TBC1D12: variants seen among roughly 807,000 people sequenced by gnomAD.
TBC1D12 encodes the protein TBC1 domain family, member 12.
TBC1D12 carries 56 observed loss-of-function variants against 86.7 expected under a neutral mutation model. That is an observed-to-expected ratio of 0.65 (90% CI 0.52 to 0.81). The LOEUF (loss-of-function observed/expected upper bound fraction) is 0.81. TBC1D12 is among the 30% of genes least tolerant of loss of function. The pLI is 0.00. For missense variants in TBC1D12, 1,023 were observed against 1,038.8 expected (o/e 0.98, Z 0.21); for synonymous variants, 421 against 411.7 (o/e 1.02, Z -0.27).
intron 3 of TBC1D12, among the ~76,000 whole-genome samples, chr10:94,485,843 AGG>A (rs1389835064): frequency 1.8e-4 from 27 of 152,060 alleles, no homozygotes; most frequent in African/African-American, 6.0e-4. Context: ...CAATCTTGGT[AGG>A]TTGTATGTGT....
rs191709264 is a variant in TBC1D12, at chr10:94,432,095, T to G, written c.972-9801T>G. On this transcript the variant is annotated intron_variant, in intron 1 of 12. Coordinates refer to ENST00000225235, the MANE Select transcript of TBC1D12 (RefSeq NM_015188.2). ...GTGTTGATTTATATTTAAGAAATTT[T>G]AATATTTTGGGGGGTGGGAGAAAGG... Among the ~76,000 whole-genome samples the G allele has an allele frequency of 8.5e-5, 13 of 152,236 alleles. 1 individual carries two copies. The South Asian group carries it at 2.5e-3, about 29-fold the overall frequency.
At chr10:94,532,697 C>G (rs1564997484) in intron 12 of TBC1D12, among the ~76,000 whole-genome samples, 1 of 152,064 alleles carries the variant, frequency 6.6e-6, no homozygotes, top group Non-Finnish European at 1.5e-5. Flanking sequence ...AAAGCATTGG[C>G]AATCTAAGTT....
intron 1 of TBC1D12, among the ~76,000 whole-genome samples, chr10:94,405,552 G>A (rs558507222): frequency 1.3e-5 from 2 of 152,266 alleles, no homozygotes; most frequent in African/African-American, 4.8e-5. Flanking sequence ...TTATAAATTT[G>A]TGACACTGTG....
intron 3 of TBC1D12, among the ~76,000 whole-genome samples, chr10:94,492,565 T>C (rs2056260391): frequency 6.6e-6 from 1 of 152,158 alleles, no homozygotes; most frequent in Non-Finnish European, 1.5e-5. Context: ...TACTCAGCAA[T>C]TAAAAGGAAT....
intron 6 of TBC1D12, 91 bp downstream of exon 6, chr10:94,500,418 T>A (rs954311394): frequency 3.8e-6 from 4 of 1,058,814 alleles, no homozygotes; most frequent in Non-Finnish European, 5.4e-6. Context: ...TTAAAATAAA[T>A]GGCCTTTATC....
At chr10:94,446,222 A>T (rs1324509264) in intron 2 of TBC1D12, among the ~76,000 whole-genome samples, 1 of 152,216 alleles carries the variant, frequency 6.6e-6, no homozygotes, top group East Asian at 1.9e-4. Flanking sequence ...ACTGTATCTG[A>T]GTTCCTTTAC....
chr10:94,499,377 C>G (rs2056365479), intron 5 of TBC1D12, among the ~76,000 whole-genome samples: 1 of 152,074 alleles, frequency 6.6e-6, no homozygotes, highest in Non-Finnish European at 1.5e-5. Context: ...ATGAGATTGA[C>G]TTTTTTGGAT....
chr10:94,517,669 T>G (rs1379699706), intron 9 of TBC1D12, among the ~76,000 whole-genome samples: 1 of 152,198 alleles, frequency 6.6e-6, no homozygotes, highest in East Asian at 1.9e-4. Context: ...CACACTTACT[T>G]TATAAGTTAA....
chr10:94,421,416 A>G (rs1344161478), intron 1 of TBC1D12, among the ~76,000 whole-genome samples: 1 of 152,250 alleles, frequency 6.6e-6, no homozygotes, highest in African/African-American at 2.4e-5. Flanking sequence ...TTTAAAATGC[A>G]TTCATCCATT....
chr10:94,415,162 G>A (rs2054981937), intron 1 of TBC1D12, among the ~76,000 whole-genome samples: 1 of 152,132 alleles, frequency 6.6e-6, no homozygotes, highest in African/African-American at 2.4e-5. Context: ...GGAAGATATA[G>A]TACATAGAAA....
intron 6 of TBC1D12, among the ~76,000 whole-genome samples, chr10:94,505,670 A>G (rs1234755571): frequency 6.6e-6 from 1 of 152,200 alleles, no homozygotes; most frequent in Non-Finnish European, 1.5e-5. Context: ...AGAAGGGAGA[A>G]AAGATTAGAA....
At position 94,514,907 on chromosome 10, in the gene TBC1D12, CTTTTTTT is replaced by C. The variant is rs1168629833; in HGVS notation, c.1761+3265_1761+3271del. Among the ~76,000 whole-genome samples the C allele has an allele frequency of 2.5e-4, 32 of 127,346 alleles. No individual in the cohort carries two copies. In the East Asian group the frequency reaches 6.2e-3, roughly 25 times the overall value. 83.5% of individuals were successfully genotyped at this position (127,346 alleles called of 152,430 possible). ...TAAACAGTGTGCAAGTTTTTTTTTT[CTTTTTTT>C]TTTTTTTTTTTGAGACGGAGTCTCA... On this transcript the variant is annotated intron_variant, in intron 9 of 12. Coordinates refer to ENST00000225235, the MANE Select transcript of TBC1D12 (RefSeq NM_015188.2).
chr10:94,418,667 G>A (rs2055032565), intron 1 of TBC1D12, among the ~76,000 whole-genome samples: 1 of 151,898 alleles, frequency 6.6e-6, no homozygotes, highest in Non-Finnish European at 1.5e-5. Context: ...TGCCTCCCGG[G>A]TTCAAGTGAT....
chr10:94,467,657 T>A (rs1279939169), intron 2 of TBC1D12, among the ~76,000 whole-genome samples: 1 of 151,832 alleles, frequency 6.6e-6, no homozygotes, highest in Non-Finnish European at 1.5e-5. Context: ...CTCCCCCTCT[T>A]TTTTTTAAAC....
At chr10:94,502,723 C>T (rs1354712298) in intron 6 of TBC1D12, among the ~76,000 whole-genome samples, 1 of 152,064 alleles carries the variant, frequency 6.6e-6, no homozygotes, top group Non-Finnish European at 1.5e-5. Context: ...ATAAAATGTG[C>T]TAAATTGGTC....
chr10:94,437,684 C>T (rs2055322708), intron 1 of TBC1D12, among the ~76,000 whole-genome samples: 1 of 152,108 alleles, frequency 6.6e-6, no homozygotes, highest in South Asian at 2.1e-4. Context: ...TAATGTCTCA[C>T]AGGCCCCTCA....
intron 3 of TBC1D12, among the ~76,000 whole-genome samples, chr10:94,484,250 T>A (rs1589649399): frequency 6.8e-3 from 1 of 146 alleles, no homozygotes; most frequent in African/African-American, 7.0e-3. Flanking sequence ...TTTCTTTTGT[T>A]TTTTTTTTTT....
chr10:94,458,503 C>T lies in TBC1D12; in HGVS notation c.1096-16165C>T, dbSNP rs187158472. ...AGATCAATTAAGAATAAGAAAAATT[C>T]TTGACCAGCCTGACCAACATGGTGA... is the stretch of plus-strand genomic sequence containing the variant. On this transcript the variant is annotated intron_variant, in intron 2 of 12. Transcript: ENST00000225235. Among the ~76,000 whole-genome samples, 516 of 152,236 alleles carry T rather than the reference C, an allele frequency of 3.4e-3. 4 individuals are homozygous for T. Among genetic ancestry groups the T allele is most frequent in the African/African-American group, 0.012 (502 of 41,546 alleles).
intron 4 of TBC1D12, among the ~76,000 whole-genome samples, chr10:94,496,208 C>T (rs888365811): frequency 6.6e-6 from 1 of 152,058 alleles, no homozygotes; most frequent in Admixed American, 6.6e-5. Context: ...GTTTGGCTAG[C>T]TGGTCTCTGA....
Sources: allele counts gnomAD v4.1 joint callset (sites outside exome capture counted in the v4.1 genomes callset), GRCh38; gene constraint gnomAD v4.1.1; transcripts MANE v1.5; gene names NCBI Gene and HGNC (gene_info 2026-07-23, HGNC 2026-07-21).